Variants in MACF1 observed in about 807,000 individuals in gnomAD.
The protein encoded by MACF1 is microtubule actin crosslinking factor 1, also known as microtubule-actin cross-linking factor 1.
A neutral mutation model predicts 854.8 loss-of-function variants in MACF1; 193 were observed. That is an observed-to-expected ratio of 0.23 (90% confidence interval 0.20 to 0.25). The LOEUF (loss-of-function observed/expected upper bound fraction) is 0.25, where lower values mean the gene tolerates loss of function less well. MACF1 is among the 10% of genes least tolerant of loss of function. The pLI is 1.00. For synonymous variants in MACF1, 3,185 were observed against 3,226.7 expected, an observed-to-expected ratio of 0.99 and a Z score of 0.44; for missense variants, 7,722 against 8,929.1, an observed-to-expected ratio of 0.86 and a Z score of 5.45.
chr1:39,280,167 G>A (rs1645515226), intron 6 of MACF1, among the ~76,000 whole-genome samples: 2 of 151,502 alleles, frequency 1.3e-5, no homozygotes, highest in Non-Finnish European at 2.9e-5. Context: ...CAAAATGTTG[G>A]GATTATAGGT....
intron 1 of MACF1, among the ~76,000 whole-genome samples, chr1:39,219,843 C>T (rs955582512): frequency 1.3e-5 from 2 of 152,126 alleles, no homozygotes; most frequent in African/African-American, 2.4e-5. Context: ...CTCTGCCGCC[C>T]GGGTCCAAGC....
intron 97 of MACF1, among the ~76,000 whole-genome samples, chr1:39,473,855 A>G (rs1339453736): frequency 6.6e-6 from 1 of 152,240 alleles, no homozygotes; most frequent in East Asian, 1.9e-4. Context: ...AGTGCAGGGA[A>G]CAAACATGTG....
At chr1:39,400,438 A>T (rs543665181) in intron 58 of MACF1, among the ~76,000 whole-genome samples, 2 of 152,162 alleles carry the variant, frequency 1.3e-5, no homozygotes, top group East Asian at 1.9e-4. Context: ...GCTTTTTTTT[A>T]AAAAGAAGCT....
rs370266602 is a variant in MACF1 at position 39,331,501 on chromosome 1, T to C, written c.4913T>C (p.Ile1638Thr). The change falls in exon 37 of 101, where the codon ATT becomes ACT. Residue 1638 changes from isoleucine to threonine, a missense_variant. Ile to Thr is a moderately conservative substitution (Grantham distance 89). Transcript: ENST00000564288. ...SRGPLSVVEA[I>T]EKRIISETVG... Reference sequence around the variant, plus strand: ...GGCCCTCTTTCTGTGGTGGAAGCAATTGAAAAGAGAATAATCAGTGAGACA... The same window carrying C: ...GGCCCTCTTTCTGTGGTGGAAGCAACTGAAAAGAGAATAATCAGTGAGACA... 3.1e-5 allele frequency: 50 copies of C among 1,613,980 alleles called. No individual in the cohort carries two copies. In the African/African-American group the frequency reaches 6.0e-4, roughly 19 times the overall value.
At chr1:39,412,318 G>T in intron 58 of MACF1, 1 of 1,614,040 alleles carries the variant, frequency 6.2e-7, no homozygotes, top group Non-Finnish European at 8.5e-7. Context: ...AATTCATTTG[G>T]AAAGTGGGAA....
intron 1 of MACF1, among the ~76,000 whole-genome samples, chr1:39,208,610 C>T (rs558850343): frequency 3.9e-5 from 6 of 152,166 alleles, no homozygotes; most frequent in Non-Finnish European, 5.9e-5. Context: ...CCTGCCACCA[C>T]GCCTGACTAA....
intron 2 of MACF1, among the ~76,000 whole-genome samples, chr1:39,116,375 GGTGA>G (rs1212296242): frequency 7.2e-6 from 1 of 139,854 alleles, no homozygotes; most frequent in Non-Finnish European, 1.6e-5. Context: ...GGAAAGAAGG[GGTGA>G]GTGTGTATGT....
In MACF1 at chr1:39,284,864, C is replaced by T. The variant is rs535267551; in HGVS notation, c.1132-219C>T. Among the ~76,000 whole-genome samples the T allele has an allele frequency of 1.7e-3, 261 of 152,306 alleles. 5 individuals are homozygous for T. The highest frequency in any genetic ancestry group is 7.4e-4 in the Non-Finnish European group (50 of 68,022). On this transcript the variant is annotated intron_variant, in intron 11 of 100. Transcript: ENST00000564288. The stretch of plus-strand genomic sequence containing the variant: ...AGAAAGTGTAAAAGGAATGGAATGA[C>T]TTAGAGTAGGTAGTCCCTACATTCT...
At chr1:39,442,935 T>A (rs1423871041) in intron 78 of MACF1, 24 bp downstream of exon 78, 29 of 1,602,234 alleles carry the variant, frequency 1.8e-5, no homozygotes, top group Non-Finnish European at 2.4e-5. Flanking sequence ...CCAAGTAAGG[T>A]AGGAAGAGCT....
upstream of MACF1, among the ~76,000 whole-genome samples, chr1:39,200,999 C>G (rs1275476878): frequency 1.3e-5 from 2 of 152,160 alleles, no homozygotes; most frequent in Non-Finnish European, 2.9e-5. Context: ...ACCCTGCCCC[C>G]CCAAAAAACA....
intron 91 of MACF1, chr1:39,459,944 C>A: frequency 1.4e-6 from 1 of 706,084 alleles, no homozygotes; most frequent in Non-Finnish European, 2.2e-6. Flanking sequence ...TTTGAAAGAC[C>A]AAGGGGAAAC....
chr1:39,277,765 A>G (rs547334209), intron 6 of MACF1, among the ~76,000 whole-genome samples: 2 of 152,230 alleles, frequency 1.3e-5, no homozygotes, highest in South Asian at 2.1e-4. Flanking sequence ...TGTATAGTAA[A>G]TTGTCTCCCT....
intron 14 of MACF1, among the ~76,000 whole-genome samples, chr1:39,286,320 C>T (rs1415180401): frequency 2.6e-5 from 4 of 151,984 alleles, no homozygotes; most frequent in African/African-American, 9.7e-5. Context: ...GGCCCATTCT[C>T]ATATATTTTA....
At chr1:39,282,108 G>A in intron 6 of MACF1, 100 bp from the exon 7 acceptor site, 2 of 1,248,640 alleles carry the variant, frequency 1.6e-6, no homozygotes, top group Non-Finnish European at 2.2e-6. Flanking sequence ...TTCCAGCCTT[G>A]GACCTTCGTT....
intron 2 of MACF1, among the ~76,000 whole-genome samples, chr1:39,088,487 A>G (rs1485607196): frequency 6.6e-6 from 1 of 152,248 alleles, no homozygotes; most frequent in Non-Finnish European, 1.5e-5. Flanking sequence ...CTCACCTGAG[A>G]GACTTGGTCA....
chr1:39,441,144 G>A lies in MACF1; in HGVS notation c.18570+19G>A, dbSNP rs1644107267. 2.5e-6 allele frequency: 4 copies of A among 1,614,026 alleles called. No homozygotes were observed. Among genetic ancestry groups the A allele is most frequent in the East Asian group, 4.5e-5 (2 of 44,890 alleles). ...TGATGAGGTGTGGAGAAATGGATGA[G>A]GCACTCAGTTAGAACATTAGTGGGC... is the stretch of plus-strand genomic sequence containing the variant. On this transcript the variant is annotated intron_variant, in intron 73 of 100. Transcript: ENST00000564288.
intron 6 of MACF1, among the ~76,000 whole-genome samples, chr1:39,259,768 A>G (rs1645138208): frequency 6.6e-6 from 1 of 152,016 alleles, no homozygotes; most frequent in Non-Finnish European, 1.5e-5. Context: ...GATTACTGGC[A>G]TGCACCACTA....
chr1:39,314,130 C>T (rs3116398), intron 26 of MACF1, among the ~76,000 whole-genome samples: 90,531 of 152,004 alleles, frequency 0.6, 29,062 homozygotes, highest in South Asian at 0.78. Flanking sequence ...AAACATAGGC[C>T]GGGTGTGGTG....
rs74786007 is a variant in MACF1 at position 39,365,561 on chromosome 1, G to A, written c.12772-2587G>A. Among the ~76,000 whole-genome samples the A allele has an allele frequency of 3.4e-3, 519 of 152,208 alleles. 5 individuals are homozygous for A. The highest frequency in any genetic ancestry group is 5.6e-3 in the Admixed American group (86 of 15,300). On this transcript the variant is annotated intron_variant, in intron 49 of 100. Transcript: ENST00000564288. ...AACACTTCTGGTCCCAAGCATAAAG[G>A]ATATCCAACCTGTATCATTTATTTG...
Sources: gnomAD v4.1 joint callset for allele counts (sites outside exome capture counted in the v4.1 genomes callset) on GRCh38, gnomAD v4.1.1 for gene constraint, MANE v1.5 for transcripts, NCBI Gene and HGNC (gene_info 2026-07-23, HGNC 2026-07-21) for gene names.